The following NUDT9 variants were observed in gnomAD, a reference collection of about 807,000 sequenced individuals.
NUDT9 encodes the protein nudix hydrolase 9.
Under a neutral mutation model 41.0 loss-of-function variants are expected in NUDT9, and 31 were observed. The ratio of observed to expected loss-of-function variants is 0.76; its 90% CI spans 0.57 to 1.02. NUDT9 has a LOEUF of 1.02. NUDT9 is among the 50% of genes least tolerant of loss of function. The pLI is 0.00. For missense variants in NUDT9, 380 were observed against 431.4 expected, an observed-to-expected ratio of 0.88 and a Z score of 1.06; for synonymous variants, 146 against 147.6, an observed-to-expected ratio of 0.99 and a Z score of 0.08.
chr4:87,430,296 T>C (rs1257055111), intron 1 of NUDT9, among the ~76,000 whole-genome samples: 2 of 152,226 alleles, frequency 1.3e-5, no homozygotes, highest in East Asian at 3.8e-4. Context: ...ATAAATTGTC[T>C]TTAGCTGAGT....
chr4:87,450,568 AG>A (rs1168644197), intron 5 of NUDT9, among the ~76,000 whole-genome samples: 5 of 151,182 alleles, frequency 3.3e-5, no homozygotes, highest in African/African-American at 1.2e-4. Flanking sequence ...TAGTAGAGAC[AG>A]GGTTTCACCA....
intron 1 of NUDT9, 63 bp from the exon 2 acceptor site, chr4:87,434,918 C>G: frequency 6.9e-7 from 1 of 1,458,644 alleles, no homozygotes; most frequent in East Asian, 2.3e-5. Flanking sequence ...TGCACCCGGC[C>G]TAGGTTCTTT....
intron 7 of NUDT9, among the ~76,000 whole-genome samples, chr4:87,456,338 C>T (rs1722989702): frequency 6.6e-6 from 1 of 152,150 alleles, no homozygotes; most frequent in South Asian, 2.1e-4. Flanking sequence ...CCTCCTTCCT[C>T]CCCAATCCTT....
chr4:87,422,905 C>T lies in NUDT9; in HGVS notation c.-1C>T. 6.2e-7 allele frequency: 1 copy of T among 1,609,126 alleles called. No individual in the cohort carries two copies. On this transcript the variant is annotated 5_prime_UTR_variant, in exon 1 of 8. Transcript: ENST00000302174. ...ATCGCAAAGCCGCCCTCGGGGCGCT[C>T]ATGGCGGGACGCCTCCTGGGAAAGG...
chr4:87,428,175 CTT>C (rs542586401), intron 1 of NUDT9, among the ~76,000 whole-genome samples: 362 of 152,250 alleles, frequency 2.4e-3, no homozygotes, highest in Middle Eastern at 0.014. Flanking sequence ...TTTTACCACA[CTT>C]TGCAGATGTA....
intron 6 of NUDT9, among the ~76,000 whole-genome samples, chr4:87,453,371 T>C (rs1441498020): frequency 1.3e-5 from 2 of 152,300 alleles, no homozygotes; most frequent in Admixed American, 6.5e-5. Context: ...AAAATCATAT[T>C]GCCCAAATTT....
intron 7 of NUDT9, among the ~76,000 whole-genome samples, chr4:87,455,565 GCCATA>G (rs1722947385): frequency 6.6e-6 from 1 of 151,472 alleles, no homozygotes. Context: ...CAAAATCTCT[GCCATA>G]TTTGAGTTCG....
At chr4:87,427,359 C>G (rs1721479894) in intron 1 of NUDT9, among the ~76,000 whole-genome samples, 1 of 152,168 alleles carries the variant, frequency 6.6e-6, no homozygotes, top group African/African-American at 2.4e-5. Context: ...ACTTTATCAG[C>G]TACTTAGTTC....
intron 3 of NUDT9, among the ~76,000 whole-genome samples, chr4:87,441,589 C>A (rs957993323): frequency 6.6e-6 from 1 of 152,072 alleles, no homozygotes; most frequent in Non-Finnish European, 1.5e-5. Flanking sequence ...ATTGTAGAAC[C>A]ACTTGGGGTA....
rs1481935778 is a variant in NUDT9, at chr4:87,422,938, C to G, written c.33C>G (p.Ala11=). The G allele has an allele frequency of 6.2e-7, 1 of 1,612,524 alleles. No homozygotes were observed. The change falls in exon 1 of 8, where the codon GCC becomes GCG. Residue 11 remains alanine (A), a synonymous_variant. Coordinates refer to ENST00000302174, the MANE Select transcript of NUDT9 (RefSeq NM_024047.5). The part of the protein sequence containing the change: MAGRLLGKAL[A]AVSLSLALAS... ...GACGCCTCCTGGGAAAGGCTTTAGC[C>G]GCGGTGTCTCTCTCTCTGGCCTTGG...
At chr4:87,439,714 G>A (rs1314605956) in intron 3 of NUDT9, among the ~76,000 whole-genome samples, 1 of 152,084 alleles carries the variant, frequency 6.6e-6, no homozygotes, top group Non-Finnish European at 1.5e-5. Context: ...ACTATCATGA[G>A]AACAGCATGG....
chr4:87,446,944 C>A (rs1243314599), intron 4 of NUDT9, among the ~76,000 whole-genome samples: 2 of 152,162 alleles, frequency 1.3e-5, no homozygotes, highest in African/African-American at 4.8e-5. Context: ...GTCTTGCTTT[C>A]CTCCAGACCA....
chr4:87,454,220 A>G (rs1560800560), intron 6 of NUDT9, 151 bp from the exon 7 acceptor site: 1 of 498,490 alleles, frequency 2.0e-6, no homozygotes, highest in Non-Finnish European at 3.6e-6. Flanking sequence ...TTTACCATCT[A>G]AACTGTTGAA....
intron 3 of NUDT9, 28 bp from the exon 4 acceptor site, chr4:87,441,801 T>A: frequency 6.3e-7 from 1 of 1,581,048 alleles, no homozygotes; most frequent in Non-Finnish European, 8.7e-7. Flanking sequence ...CACATTCAAT[T>A]GATTTTATGC....
chr4:87,431,461 G>A lies in NUDT9; in HGVS notation c.108-3520G>A, dbSNP rs566563685. 4.5e-4 allele frequency among the ~76,000 whole-genome samples: 69 copies of A among 152,264 alleles called. No homozygotes were observed. In the South Asian group the frequency reaches 0.014, roughly 30 times the overall value. Reference sequence around the variant, plus strand: ...TCTCTTTCTGGAAAAACATCATTGGGATTTTGACAGAGATTGCATTGAATC... The same window carrying A: ...TCTCTTTCTGGAAAAACATCATTGGAATTTTGACAGAGATTGCATTGAATC... On this transcript the variant is annotated intron_variant, in intron 1 of 7. Coordinates refer to ENST00000302174, the MANE Select transcript of NUDT9 (RefSeq NM_024047.5).
intron 1 of NUDT9, chr4:87,434,518 C>G (rs1467040440): frequency 6.7e-6 from 1 of 148,478 alleles, no homozygotes; most frequent in African/African-American, 2.5e-5. Context: ...TGAAAATAAT[C>G]TCTCATAGAT....
At position 87,458,088 on chromosome 4, in the gene NUDT9, G is replaced by T. The variant is rs1452042836; in HGVS notation, c.*67G>T. 7.2e-6 allele frequency: 10 copies of T among 1,395,414 alleles called. No homozygotes were observed. Among genetic ancestry groups the T allele is most frequent in the Non-Finnish European group, 8.5e-6 (9 of 1,064,868 alleles). The allele number at this position is 1,395,414 out of a possible 1,614,324, so 86.4% of individuals were successfully genotyped here. A position where few individuals can be genotyped will look rare whatever the true frequency, so the allele number is the denominator to read the frequency against. ...ATACTGAAAAGAAGGCAGTATCACA[G>T]AATTTATACTATAAAAAGGGCAGGG... On this transcript the variant is annotated 3_prime_UTR_variant, in exon 8 of 8. Coordinates refer to ENST00000302174, the MANE Select transcript of NUDT9 (RefSeq NM_024047.5).
intron 2 of NUDT9, 121 bp downstream of exon 2, chr4:87,435,341 C>A: frequency 8.7e-7 from 1 of 1,149,120 alleles, no homozygotes; most frequent in Non-Finnish European, 1.2e-6. Flanking sequence ...TGTGTTATAA[C>A]TCAGTTTCCA....
chr4:87,438,929 G>C (rs1722074761), intron 3 of NUDT9, among the ~76,000 whole-genome samples: 1 of 152,152 alleles, frequency 6.6e-6, no homozygotes, highest in Non-Finnish European at 1.5e-5. Context: ...CACTTTGGGA[G>C]GCTGAGGTGG....
Sources: allele counts gnomAD v4.1 joint callset (sites outside exome capture counted in the v4.1 genomes callset), GRCh38; gene constraint gnomAD v4.1.1; transcripts MANE v1.5; gene names NCBI Gene and HGNC (gene_info 2026-07-23, HGNC 2026-07-21).